The following PIGL variants were observed in gnomAD, a reference collection of about 807,000 sequenced individuals.
The protein encoded by PIGL is phosphatidylinositol glycan anchor biosynthesis class L.
A neutral mutation model predicts 31.1 loss-of-function variants in PIGL; 22 were observed. That is an observed-to-expected ratio of 0.71 (90% CI 0.51 to 1.01). PIGL has a LOEUF of 1.01. Ranked by LOEUF, PIGL falls within the 50% of genes least tolerant of loss-of-function variation. The probability of loss-of-function intolerance (pLI) is 0.00; values close to 1 mark genes in which losing one functional copy is unlikely to be tolerated. For synonymous variants in PIGL, 131 were observed against 117.4 expected (o/e 1.12, Z -0.75); for missense variants, 302 against 315.9 (o/e 0.96, Z 0.33).
intron 1 of PIGL, among the ~76,000 whole-genome samples, chr17:16,225,124 G>A (rs1458900541): frequency 6.6e-6 from 1 of 152,150 alleles, no homozygotes; most frequent in East Asian, 1.9e-4. Flanking sequence ...GGTCTTAAAT[G>A]TGTATTGAGA....
chr17:16,224,499 A>G (rs988757272), intron 1 of PIGL, among the ~76,000 whole-genome samples: 4 of 149,938 alleles, frequency 2.7e-5, no homozygotes, highest in Non-Finnish European at 5.9e-5. Flanking sequence ...TAGAGACGGG[A>G]TTTTGCCATG....
chr17:16,311,467 C>CTTTTTTTTTTTTTTTTTTTTTT lies in PIGL; in HGVS notation c.427-2066_427-2065insTTTTTTTTTTTTTTTTTTTTTT, dbSNP rs778072602. Among the ~76,000 whole-genome samples, 106 of 18,964 alleles carry CTTTTTTTTTTTTTTTTTTTTTT rather than the reference C, an allele frequency of 5.6e-3. 37 individuals are homozygous for CTTTTTTTTTTTTTTTTTTTTTT. Among genetic ancestry groups the CTTTTTTTTTTTTTTTTTTTTTT allele is most frequent in the African/African-American group, 0.016 (56 of 3,408 alleles). 12.4% of individuals were successfully genotyped at this position (18,964 alleles called of 152,430 possible). The stretch of plus-strand genomic sequence containing the variant: ...AGCCCAAAGCACAGAGGTTTTCTTT[C>CTTTTTTTTTTTTTTTTTTTTTT]TTTTTTTTTTTTTTGATCATTCTTG... On this transcript the variant is annotated intron_variant, in intron 3 of 6. Transcript: ENST00000225609.
At chr17:16,317,389 G>A in intron 5 of PIGL, 1 of 961,432 alleles carries the variant, frequency 1.0e-6, no homozygotes, top group Non-Finnish European at 1.3e-6. Context: ...GAGACTGAGA[G>A]TGGTTAAGGG....
In PIGL at chr17:16,304,010, G is replaced by A. The variant is rs954146154; in HGVS notation, c.426+4032G>A. Among the ~76,000 whole-genome samples the A allele has an allele frequency of 6.8e-4, 103 of 152,080 alleles. 1 individual carries two copies. Among genetic ancestry groups the A allele is most frequent in the Admixed American group, 5.9e-3 (90 of 15,264 alleles). ...ATTACAGGTGTAAGCCACTGCGCCCGGCCTACTAACAAATTTCTTGTGACA... is the reference window on the plus strand; with the variant it reads ...ATTACAGGTGTAAGCCACTGCGCCCAGCCTACTAACAAATTTCTTGTGACA... On this transcript the variant is annotated intron_variant, in intron 3 of 6. Transcript: ENST00000225609.
intron 2 of PIGL, among the ~76,000 whole-genome samples, chr17:16,261,418 A>G (rs1318489108): frequency 6.6e-6 from 1 of 152,202 alleles, no homozygotes; most frequent in Non-Finnish European, 1.5e-5. Flanking sequence ...AAATAGATAA[A>G]TTGGACTTTG....
chr17:16,290,196 C>G (rs2092954587), intron 2 of PIGL, among the ~76,000 whole-genome samples: 1 of 151,860 alleles, frequency 6.6e-6, no homozygotes, highest in African/African-American at 2.4e-5. Flanking sequence ...GATTCTCCTG[C>G]CTCAGCCTCC....
At chr17:16,217,648 G>A in intron 1 of PIGL, 187 bp downstream of exon 1, 1 of 559,346 alleles carries the variant, frequency 1.8e-6, no homozygotes, top group Non-Finnish European at 3.2e-6. Flanking sequence ...GTTGGGGGAC[G>A]TCGGCAGCTC....
At chr17:16,241,336 T>G (rs8070979) in intron 2 of PIGL, among the ~76,000 whole-genome samples, 2,586 of 150,552 alleles carry the variant, frequency 0.017, 67 homozygotes, top group African/African-American at 0.059. Context: ...GGCCTGTAAT[T>G]CCAGCACTTT....
At chr17:16,243,302 G>A (rs1359244512) in intron 2 of PIGL, among the ~76,000 whole-genome samples, 1 of 152,000 alleles carries the variant, frequency 6.6e-6, no homozygotes. Flanking sequence ...CACCTGCCTC[G>A]AACTCCCAAA....
At chr17:16,320,061 G>C (rs2093096562) in intron 6 of PIGL, among the ~76,000 whole-genome samples, 1 of 149,776 alleles carries the variant, frequency 6.7e-6, no homozygotes, top group South Asian at 2.1e-4. Context: ...TGGGGTGGGA[G>C]GATGGCTTGA....
intron 2 of PIGL, among the ~76,000 whole-genome samples, chr17:16,283,666 AAG>A (rs2092925647): frequency 6.6e-6 from 1 of 152,142 alleles, no homozygotes; most frequent in African/African-American, 2.4e-5. Context: ...TAAAAAAAAT[AAG>A]AGAGAGATGT....
intron 2 of PIGL, among the ~76,000 whole-genome samples, chr17:16,240,463 C>A (rs1353389845): frequency 6.6e-6 from 1 of 152,056 alleles, no homozygotes; most frequent in Non-Finnish European, 1.5e-5. Flanking sequence ...TGGATGTGAG[C>A]CACCACGCGC....
intron 6 of PIGL, 54 bp downstream of exon 6, chr17:16,317,962 T>C (rs1600865130): frequency 6.1e-6 from 8 of 1,318,946 alleles, no homozygotes; most frequent in African/African-American, 4.5e-5. Context: ...CCCAGACCCC[T>C]GTCTCCTCAA....
intron 3 of PIGL, among the ~76,000 whole-genome samples, chr17:16,312,026 C>T (rs376858096): frequency 1.3e-5 from 2 of 151,292 alleles, no homozygotes; most frequent in Non-Finnish European, 3.0e-5. Flanking sequence ...ACTTCCCAGA[C>T]GGGGTGGCCG....
chr17:16,240,602 G>T (rs1418533510), intron 2 of PIGL, among the ~76,000 whole-genome samples: 1 of 151,974 alleles, frequency 6.6e-6, no homozygotes, highest in East Asian at 1.9e-4. Context: ...CCGGGTGCAA[G>T]GGATCCTTCC....
At chr17:16,261,055 G>A (rs1190576118) in intron 2 of PIGL, among the ~76,000 whole-genome samples, 1 of 151,286 alleles carries the variant, frequency 6.6e-6, no homozygotes, top group Non-Finnish European at 1.5e-5. Flanking sequence ...GGAGGCAGAG[G>A]TTGCAGTGAG....
chr17:16,251,248 A>C (rs1209078230), intron 2 of PIGL, among the ~76,000 whole-genome samples: 3 of 152,206 alleles, frequency 2.0e-5, no homozygotes, highest in South Asian at 2.1e-4. Flanking sequence ...CAACATAGTG[A>C]GACCCCATCT....
At chr17:16,314,427 G>T (rs1170669444) in intron 4 of PIGL, among the ~76,000 whole-genome samples, 2 of 152,224 alleles carry the variant, frequency 1.3e-5, no homozygotes, top group African/African-American at 4.8e-5. Flanking sequence ...GAAGTGGTTT[G>T]CCCAGCACCA....
chr17:16,263,334 A>G (rs2092827088), intron 2 of PIGL, among the ~76,000 whole-genome samples: 1 of 151,642 alleles, frequency 6.6e-6, no homozygotes, highest in Non-Finnish European at 1.5e-5. Context: ...ACACACTACC[A>G]TGCCTGGCTA....
Sources: allele counts gnomAD v4.1 joint callset (sites outside exome capture counted in the v4.1 genomes callset), GRCh38; gene constraint gnomAD v4.1.1; transcripts MANE v1.5; gene names NCBI Gene and HGNC (gene_info 2026-07-23, HGNC 2026-07-21).